Variants in CLEC18A observed in about 807,000 individuals in gnomAD.
The protein encoded by CLEC18A is mannose receptor-like 1.
CLEC18A carries 5 observed loss-of-function variants against 24.0 expected under a neutral mutation model. That is an observed-to-expected ratio of 0.21 (90% CI 0.11 to 0.44). The LOEUF is 0.44. Among genes scored for constraint, CLEC18A ranks in the 20% least tolerant of loss-of-function variants. The pLI is 0.99. For missense variants in CLEC18A, 83 were observed against 233.4 expected, an observed-to-expected ratio of 0.36 and a Z score of 4.20; for synonymous variants, 29 against 100.1, an observed-to-expected ratio of 0.29 and a Z score of 4.24.
At chr16:69,955,230 T>C (rs2152016575) in intron 3 of CLEC18A, among the ~76,000 whole-genome samples, 1 of 152,098 alleles carries the variant, frequency 6.6e-6, no homozygotes, top group Non-Finnish European at 1.5e-5. Context: ...CTCGAACTCC[T>C]GACCTCAAAT....
At chr16:69,956,001 T>G (rs1250505862) in intron 3 of CLEC18A, among the ~76,000 whole-genome samples, 1 of 152,068 alleles carries the variant, frequency 6.6e-6, no homozygotes, top group East Asian at 1.9e-4. Context: ...ATCCCAGCAC[T>G]TTGGGAGGCC....
At chr16:69,944,153 G>A in the CLEC18A span, among the ~76,000 whole-genome samples, 1 of 134,100 alleles carries the variant, frequency 7.5e-6, no homozygotes, top group African/African-American at 2.4e-5. Flanking sequence ...AAAATTAGCC[G>A]GGTGTGGTAG....
At chr16:69,957,022 T>A (rs1206101519) in intron 3 of CLEC18A, among the ~76,000 whole-genome samples, 1 of 151,566 alleles carries the variant, frequency 6.6e-6, no homozygotes, top group Non-Finnish European at 1.5e-5. Flanking sequence ...TGTTTCTAAT[T>A]TTCTTGATGT....
the CLEC18A span, among the ~76,000 whole-genome samples, chr16:69,944,379 A>G: frequency 3.0e-4 from 46 of 152,210 alleles, 1 homozygote; most frequent in South Asian, 8.1e-3. Context: ...TTGAAACTGA[A>G]GTGTAGCAGA....
At chr16:69,949,014 C>A (rs2058920075), upstream of CLEC18A, among the ~76,000 whole-genome samples, 1 of 75,284 alleles carries the variant, frequency 1.3e-5, no homozygotes, top group African/African-American at 7.3e-5. Context: ...TGCAGTGGTG[C>A]CATCTTGCTT....
At chr16:69,966,524 A>G (rs569976397), downstream of CLEC18A, among the ~76,000 whole-genome samples, 152 of 144,258 alleles carry the variant, frequency 1.1e-3, no homozygotes, top group African/African-American at 3.5e-3. Context: ...TACAAATGCC[A>G]TGGCAACGCC....
At position 69,963,845 on chromosome 16, in the gene CLEC18A, G is replaced by A. The variant is rs1959247834; in HGVS notation, c.*234G>A. The A allele has an allele frequency of 5.2e-6, 3 of 573,138 alleles. No individual in the cohort carries two copies. Among genetic ancestry groups the A allele is most frequent in the African/African-American group, 4.0e-5 (2 of 49,588 alleles). 35.5% of individuals were successfully genotyped at this position (573,138 alleles called of 1,614,324 possible). On this transcript the variant is annotated 3_prime_UTR_variant, in exon 12 of 12. Transcript: ENST00000288040. ...TCGCCTGCTTTTGATTGGGAAGATG[G>A]GCTTCAATTAGATGGCGAAGGAGAG...
At chr16:69,945,106 CAG>C in the CLEC18A span, among the ~76,000 whole-genome samples, 4 of 145,578 alleles carry the variant, frequency 2.7e-5, no homozygotes, top group Non-Finnish European at 1.5e-5. Context: ...GCCTGGGTGA[CAG>C]AGTGAGACCC....
downstream of CLEC18A, among the ~76,000 whole-genome samples, chr16:69,964,833 G>A (rs1170950034): frequency 6.6e-6 from 1 of 151,854 alleles, no homozygotes; most frequent in African/African-American, 2.4e-5. Flanking sequence ...ACAGAGTCTC[G>A]CTTTGTCGTA....
chr16:69,943,866 G>C, the CLEC18A span, among the ~76,000 whole-genome samples: 2 of 142,100 alleles, frequency 1.4e-5, no homozygotes, highest in Non-Finnish European at 3.1e-5. Flanking sequence ...CTGTGCTCTA[G>C]GCATTTCATC....
chr16:69,944,835 CAAAAAAAAG>C, the CLEC18A span, among the ~76,000 whole-genome samples: 1 of 115,100 alleles, frequency 8.7e-6, no homozygotes, highest in Non-Finnish European at 1.7e-5. Context: ...TACTCCGTCT[CAAAAAAAAG>C]AAAAAAAAGA....
rs1287736802 is a variant in CLEC18A, at chr16:69,953,830, A to AG, written c.217-504_217-503insG. On this transcript the variant is annotated intron_variant, in intron 2 of 11. Transcript: ENST00000288040. ...ACTGTCTCAAAAAAAAAAAAAAAAA[A>AG]AAGAAGAGGGAGGGGGCGGGGTCAG... The AG allele has an allele frequency of 3.6e-4, 64 of 178,032 alleles. No homozygotes were observed. In the South Asian group the frequency reaches 5.3e-3, roughly 15 times the overall value. The allele number at this position is 178,032 out of a possible 1,614,324, so 11.0% of individuals were successfully genotyped here.
At chr16:69,954,673 T>C (rs2059009378) in intron 3 of CLEC18A, 100 bp downstream of exon 3, 1 of 1,526,174 alleles carries the variant, frequency 6.6e-7, no homozygotes, top group Non-Finnish European at 8.8e-7. Context: ...ATGTTGGGAT[T>C]CCTTTTCCTC....
chr16:69,944,869 G>A, the CLEC18A span, among the ~76,000 whole-genome samples: 5 of 121,426 alleles, frequency 4.1e-5, no homozygotes, highest in South Asian at 3.1e-4. Context: ...GGCCGGGCGC[G>A]GTGGCTCACA....
chr16:69,965,129 T>G (rs62050612), downstream of CLEC18A, among the ~76,000 whole-genome samples: 123,579 of 151,156 alleles, frequency 0.82, 51,200 homozygotes, highest in East Asian at 0.96. Flanking sequence ...CTGCTTCCCA[T>G]GGCTTCGCCT....
chr16:69,964,817 T>C (rs538079704), downstream of CLEC18A, among the ~76,000 whole-genome samples: 161 of 151,924 alleles, frequency 1.1e-3, no homozygotes, highest in African/African-American at 3.7e-3. Context: ...TTTTTTCTTT[T>C]TTGAGACAGA....
At chr16:69,964,571 C>A (rs1037387631), downstream of CLEC18A, 1 of 149,848 alleles carries the variant, frequency 6.7e-6, no homozygotes, top group Non-Finnish European at 1.5e-5. Context: ...ACGATCTCCG[C>A]TCACTGCAAG....
rs1163862115 is a variant in CLEC18A at position 69,963,038 on chromosome 16, A to C, written c.1274A>C (p.Lys425Thr). ...AAFNWNDQRC[K>T]TRNRYICQFA... ...TTCAACTGGAACGACCAGCGCTGCA[A>C]AACCCGAAACCGTTACATCTGCCAG... Residue 425 changes from lysine (K) to threonine (T), a missense_variant, in exon 11 of 12, where the codon AAA (lysine) becomes ACA (threonine). Physicochemically the swap from Lys to Thr is moderately conservative, Grantham distance 78. This residue lies in a region of CLEC18A where 11 missense variants were observed against 57.6 expected (regional missense o/e 0.19). Coordinates refer to ENST00000288040, the MANE Select transcript of CLEC18A (RefSeq NM_001370523.4). 6.2e-7 allele frequency: 1 copy of C among 1,613,638 alleles called. No homozygotes were observed. The highest frequency in any genetic ancestry group is 8.5e-7 in the Non-Finnish European group (1 of 1,179,860).
At chr16:69,954,150 GCTC>G (rs1202940426) in intron 2 of CLEC18A, among the ~76,000 whole-genome samples, 181 bp from the exon 3 acceptor site, 1 of 142,748 alleles carries the variant, frequency 7.0e-6, no homozygotes, top group African/African-American at 2.5e-5. Flanking sequence ...GAGGAGCTGG[GCTC>G]CTCCTGGAGG....
Sources: gnomAD v4.1 joint callset for allele counts (sites outside exome capture counted in the v4.1 genomes callset) on GRCh38, gnomAD v4.1.1 for gene constraint, gnomAD v4.1.1 regional missense constraint, MANE v1.5 for transcripts, NCBI Gene and HGNC (gene_info 2026-07-23, HGNC 2026-07-21) for gene names.